OXCT1: variants seen among roughly 807,000 people sequenced by gnomAD.
The protein encoded by OXCT1 is succinyl-CoA:3-ketoacid coenzyme A transferase 1, mitochondrial.
A neutral mutation model predicts 69.6 loss-of-function variants in OXCT1; 27 were observed. The ratio of observed to expected loss-of-function variants is 0.39; its 90% CI spans 0.29 to 0.54. The LOEUF is 0.54. OXCT1 is among the 20% of genes least tolerant of loss of function. The probability of loss-of-function intolerance (pLI) is 0.72; values close to 1 mark genes in which losing one functional copy is unlikely to be tolerated. For synonymous variants in OXCT1, 202 were observed against 217.8 expected (o/e 0.93, Z 0.64); for missense variants, 437 against 650.2 (o/e 0.67, Z 3.57).
chr5:41,742,707 T>C (rs572597317), intron 15 of OXCT1, among the ~76,000 whole-genome samples: 3 of 151,340 alleles, frequency 2.0e-5, no homozygotes, highest in Non-Finnish European at 3.0e-5. Flanking sequence ...TGTTCAATTC[T>C]CACCTATGAG....
At chr5:41,793,487 TA>T (rs1746027971) in intron 13 of OXCT1, among the ~76,000 whole-genome samples, 2 of 152,228 alleles carry the variant, frequency 1.3e-5, no homozygotes, top group Admixed American at 1.3e-4. Context: ...CATTTCATAT[TA>T]AATGACAACT....
intron 14 of OXCT1, among the ~76,000 whole-genome samples, chr5:41,761,125 A>G (rs1037413181): frequency 6.6e-6 from 1 of 152,128 alleles, no homozygotes; most frequent in Non-Finnish European, 1.5e-5. Flanking sequence ...AGCATTCAAT[A>G]TCAACTTTTA....
At chr5:41,826,914 T>C (rs1747833957) in intron 7 of OXCT1, among the ~76,000 whole-genome samples, 1 of 152,200 alleles carries the variant, frequency 6.6e-6, no homozygotes, top group Admixed American at 6.5e-5. Flanking sequence ...CAGTAAGTGA[T>C]GTATCATTGC....
chr5:41,773,935 G>A (rs1163732676), intron 13 of OXCT1, among the ~76,000 whole-genome samples: 1 of 152,144 alleles, frequency 6.6e-6, no homozygotes, highest in African/African-American at 2.4e-5. Flanking sequence ...AGGGACCTAA[G>A]TTAAGGTACA....
At chr5:41,825,920 C>T (rs1199075437) in intron 7 of OXCT1, among the ~76,000 whole-genome samples, 2 of 152,216 alleles carry the variant, frequency 1.3e-5, no homozygotes, top group Admixed American at 6.5e-5. Context: ...CAGGAAATAA[C>T]TTTAATCTTC....
chr5:41,760,099 T>C (rs138840840), intron 14 of OXCT1, among the ~76,000 whole-genome samples: 5 of 152,160 alleles, frequency 3.3e-5, no homozygotes, highest in Non-Finnish European at 7.4e-5. Context: ...AAGCAAAAGA[T>C]GCAAAAAAGA....
intron 5 of OXCT1, among the ~76,000 whole-genome samples, chr5:41,848,862 A>G (rs545175084): frequency 1.9e-3 from 288 of 152,296 alleles, no homozygotes; most frequent in African/African-American, 6.6e-3. Context: ...ACCATTCAGG[A>G]CATAGGCATG....
chr5:41,832,598 A>T (rs1748150715), intron 7 of OXCT1, among the ~76,000 whole-genome samples: 1 of 152,122 alleles, frequency 6.6e-6, no homozygotes, highest in Admixed American at 6.5e-5. Flanking sequence ...TAACCCTTTA[A>T]TGCCCAGACA....
At chr5:41,861,553 A>G (rs1287964444) in intron 2 of OXCT1, 149 bp from the exon 3 acceptor site, 7 of 685,110 alleles carry the variant, frequency 1.0e-5, no homozygotes, top group Non-Finnish European at 1.8e-5. Flanking sequence ...TCAGCAGCTA[A>G]GTAAATGGTC....
At position 41,735,401 on chromosome 5, in the gene OXCT1, T is replaced by C. The variant is rs1474800317; in HGVS notation, c.1522-3631A>G. ...TATGAGGTATCTAGAATAGTCAAAA[T>C]GATAGAAACAGAAAGCAAAAACAGT... On this transcript the variant is annotated intron_variant, in intron 16 of 16. Transcript: ENST00000196371. Among the ~76,000 whole-genome samples, 4 of 152,216 alleles carry C rather than the reference T, an allele frequency of 2.6e-5. No individual in the cohort carries two copies. In the East Asian group the frequency reaches 7.7e-4, roughly 29 times the overall value.
intron 14 of OXCT1, among the ~76,000 whole-genome samples, chr5:41,760,909 A>G (rs1401905555): frequency 6.6e-6 from 1 of 152,108 alleles, no homozygotes; most frequent in Non-Finnish European, 1.5e-5. Context: ...TTTCTCTGTA[A>G]CCAAACTTTC....
intron 16 of OXCT1, among the ~76,000 whole-genome samples, chr5:41,738,719 G>A (rs1373888078): frequency 6.6e-6 from 1 of 152,110 alleles, no homozygotes; most frequent in Non-Finnish European, 1.5e-5. Context: ...CATTAGCTAG[G>A]TGATTGATTT....
intron 14 of OXCT1, among the ~76,000 whole-genome samples, chr5:41,759,827 A>T (rs1561368291): frequency 6.6e-6 from 1 of 152,128 alleles, no homozygotes; most frequent in Non-Finnish European, 1.5e-5. Context: ...AAAACAAAAC[A>T]AAACAAACAA....
chr5:41,838,977 G>A (rs1412921967), intron 7 of OXCT1, among the ~76,000 whole-genome samples: 1 of 152,160 alleles, frequency 6.6e-6, no homozygotes, highest in Non-Finnish European at 1.5e-5. Context: ...AGGAGTGGTT[G>A]CGCACATTAC....
rs1750133148 is a variant in OXCT1 at position 41,868,792 on chromosome 5, C to A, written c.78+1489G>T. Among the ~76,000 whole-genome samples the A allele has an allele frequency of 2.0e-5, 3 of 151,974 alleles. No individual in the cohort carries two copies. In the South Asian group the frequency reaches 6.2e-4, roughly 31 times the overall value. Reference sequence around the variant, plus strand: ...GAATAGTGGAAGGCAGGAGTTAGACCTATGATAATCAAGCCTGACAGGGCT... The same window carrying A: ...GAATAGTGGAAGGCAGGAGTTAGACATATGATAATCAAGCCTGACAGGGCT... On this transcript the variant is annotated intron_variant, in intron 1 of 16. Coordinates refer to ENST00000196371, the MANE Select transcript of OXCT1 (RefSeq NM_000436.4).
Position 41,794,052 on chromosome 5 carries a change from C to A in OXCT1, c.1199G>T (p.Gly400Val). Residue 400 changes from glycine (G) to valine (V), a missense_variant, in exon 13 of 17, where the codon GGA (glycine) becomes GTA (valine). This residue lies in a region of OXCT1 where 102 missense variants were observed against 162.1 expected (regional missense o/e 0.63). Transcript: ENST00000196371. ...RGGHVDLTML[G>V]AMQVSKYGDL... Reference sequence around the variant, plus strand: ...ACCATATTTGGAAACCTGCATCGCTCCTAGCATTGTCAGATCGACGTGTCC... The same window carrying A: ...ACCATATTTGGAAACCTGCATCGCTACTAGCATTGTCAGATCGACGTGTCC... 1 of 1,613,310 alleles carries A rather than the reference C, an allele frequency of 6.2e-7. No homozygotes were observed. Among genetic ancestry groups the A allele is most frequent in the Non-Finnish European group, 8.5e-7 (1 of 1,179,342 alleles).
intron 5 of OXCT1, among the ~76,000 whole-genome samples, chr5:41,846,950 G>C (rs1326836002): frequency 1.3e-5 from 2 of 152,044 alleles, no homozygotes; most frequent in South Asian, 4.1e-4. Flanking sequence ...GTCTGTTCAT[G>C]TCCTTCGCCC....
intron 15 of OXCT1, among the ~76,000 whole-genome samples, chr5:41,742,743 C>G (rs539976130): frequency 6.6e-6 from 1 of 151,974 alleles, no homozygotes; most frequent in Non-Finnish European, 1.5e-5. Flanking sequence ...GTTTTCTGTC[C>G]TTGTGACAGT....
chr5:41,814,300 C>T (rs890026829), intron 7 of OXCT1, among the ~76,000 whole-genome samples: 1 of 152,072 alleles, frequency 6.6e-6, no homozygotes, highest in African/African-American at 2.4e-5. Context: ...AAGTTCATAT[C>T]ATAAAATACC....
Sources: gnomAD v4.1 joint callset for allele counts (sites outside exome capture counted in the v4.1 genomes callset) on GRCh38, gnomAD v4.1.1 for gene constraint, gnomAD v4.1.1 regional missense constraint, MANE v1.5 for transcripts, NCBI Gene and HGNC (gene_info 2026-07-23, HGNC 2026-07-21) for gene names.